The following DACH2 variants were observed in gnomAD, a reference collection of about 807,000 sequenced individuals.
DACH2 encodes the protein dachshund family transcription factor 2.
A neutral mutation model predicts 35.8 loss-of-function variants in DACH2; 17 were observed. The ratio of observed to expected loss-of-function variants is 0.48; its 90% confidence interval spans 0.33 to 0.71. The LOEUF is 0.71. Among genes scored for constraint, DACH2 ranks in the 30% least tolerant of loss-of-function variants. The pLI is 0.02. For synonymous variants in DACH2, 195 were observed against 177.3 expected, an observed-to-expected ratio of 1.10 and a Z score of -0.79; for missense variants, 469 against 472.7, an observed-to-expected ratio of 0.99 and a Z score of 0.07.
At chrX:86,258,024 C>T (rs1046206202) in intron 1 of DACH2, among the ~76,000 whole-genome samples, 3 of 111,136 alleles carry the variant, frequency 2.7e-5, no homozygotes, top group Non-Finnish European at 5.7e-5. Flanking sequence ...CCAGTCTGCT[C>T]CTTTAAGAAC....
At position 86,746,894 on chromosome X, in the gene DACH2, G is replaced by A. The variant is rs901334031; in HGVS notation, c.1240+7012G>A. On this transcript the variant is annotated intron_variant, in intron 7 of 11. Coordinates refer to ENST00000373125, the MANE Select transcript of DACH2 (RefSeq NM_053281.3). ...GTTAATTTTTGTTGTGTTAGATAGG[G>A]GACCAACTTCATTATTTTGCATTTG... is the stretch of plus-strand genomic sequence containing the variant. 1.2e-4 allele frequency among the ~76,000 whole-genome samples: 13 copies of A among 110,685 alleles called. No homozygotes were observed. In the Admixed American group the frequency reaches 1.3e-3, roughly 11 times the overall value.
At chrX:86,171,427 G>A (rs1381568783) in intron 1 of DACH2, among the ~76,000 whole-genome samples, 3 of 106,765 alleles carry the variant, frequency 2.8e-5, no homozygotes, top group Non-Finnish European at 5.8e-5. Context: ...TTGCCTAAGT[G>A]TTGCAGTCTT....
At chrX:86,405,611 C>T (rs373100494) in intron 2 of DACH2, among the ~76,000 whole-genome samples, 1 of 111,444 alleles carries the variant, frequency 9.0e-6, no homozygotes, top group Non-Finnish European at 1.9e-5. Context: ...CTAGGAAGTT[C>T]CAAACTTTCC....
chrX:86,280,806 C>A (rs1193683179), intron 1 of DACH2, among the ~76,000 whole-genome samples: 6 of 111,623 alleles, frequency 5.4e-5, no homozygotes, highest in Non-Finnish European at 7.5e-5. Flanking sequence ...CAATCCTAGT[C>A]TCTGATAAAA....
At chrX:86,495,529 G>T (rs1031555783) in intron 2 of DACH2, among the ~76,000 whole-genome samples, 2 of 110,983 alleles carry the variant, frequency 1.8e-5, no homozygotes, top group African/African-American at 3.3e-5. Flanking sequence ...AAGCTGTGTG[G>T]CCTGGCATGG....
At chrX:86,584,473 T>C (rs755739555) in intron 3 of DACH2, among the ~76,000 whole-genome samples, 10 of 111,208 alleles carry the variant, frequency 9.0e-5, no homozygotes, top group Non-Finnish European at 1.3e-4. Flanking sequence ...ATTCTCTTAA[T>C]ATGATCCTTC....
chrX:86,161,380 G>T, intron 1 of DACH2: 1 of 939,532 alleles, frequency 1.1e-6, no homozygotes, highest in Non-Finnish European at 1.4e-6. Flanking sequence ...GTCATTACAG[G>T]TGTTAGCAGA....
chrX:86,588,188 GC>G (rs1208514279), intron 3 of DACH2, among the ~76,000 whole-genome samples: 8 of 110,831 alleles, frequency 7.2e-5, no homozygotes, highest in Non-Finnish European at 1.3e-4. Context: ...TAGGGGTGCA[GC>G]CTTTTTTCTA....
At chrX:86,625,348 C>T (rs2040123294) in intron 3 of DACH2, among the ~76,000 whole-genome samples, 1 of 108,758 alleles carries the variant, frequency 9.2e-6, no homozygotes, top group South Asian at 4.1e-4. Flanking sequence ...AACTACCTTG[C>T]ATATATCAGA....
chrX:86,597,223 A>T (rs1283985938), intron 3 of DACH2, among the ~76,000 whole-genome samples: 1 of 111,942 alleles, frequency 8.9e-6, no homozygotes, highest in Non-Finnish European at 1.9e-5. Context: ...TGCTGTGGTG[A>T]GCACTGACAT....
At chrX:86,410,177 C>G (rs955370171) in intron 2 of DACH2, among the ~76,000 whole-genome samples, 1 of 112,165 alleles carries the variant, frequency 8.9e-6, no homozygotes, top group African/African-American at 3.2e-5. Context: ...AACAGCAATA[C>G]TTTACTAAGT....
chrX:86,682,191 G>A (rs954371939), intron 4 of DACH2, among the ~76,000 whole-genome samples: 3 of 111,394 alleles, frequency 2.7e-5, no homozygotes, highest in South Asian at 3.8e-4. Flanking sequence ...TGAAACTACC[G>A]CTTTCTTAGC....
At chrX:86,580,188 AC>A (rs764102130) in intron 3 of DACH2, among the ~76,000 whole-genome samples, 1 of 111,198 alleles carries the variant, frequency 9.0e-6, no homozygotes, top group East Asian at 2.8e-4. Flanking sequence ...CTAAAATCAA[AC>A]CCCCAAGGGC....
intron 3 of DACH2, among the ~76,000 whole-genome samples, chrX:86,553,766 C>T (rs2039080770): frequency 9.0e-6 from 1 of 111,684 alleles, no homozygotes; most frequent in Non-Finnish European, 1.9e-5. Flanking sequence ...ATGTGTAAAC[C>T]ACTGATTCCT....
At chrX:86,350,273 G>A (rs1402323192) in intron 1 of DACH2, among the ~76,000 whole-genome samples, 1 of 31,699 alleles carries the variant, frequency 3.2e-5, no homozygotes. Context: ...CTGGATATTA[G>A]CCCTTTGTCA....
chrX:86,639,278 G>A (rs769441742), intron 3 of DACH2, among the ~76,000 whole-genome samples: 2 of 111,412 alleles, frequency 1.8e-5, no homozygotes, highest in South Asian at 7.8e-4. Flanking sequence ...CCAGGGAAGT[G>A]GTGAATGAAT....
chrX:86,405,045 T>C (rs1169438889), intron 2 of DACH2, among the ~76,000 whole-genome samples: 1 of 111,630 alleles, frequency 9.0e-6, no homozygotes, highest in Non-Finnish European at 1.9e-5. Flanking sequence ...GGGTGCAAAT[T>C]CCCAAGGCTG....
chrX:86,332,028 A>C (rs1469305307), intron 1 of DACH2, among the ~76,000 whole-genome samples: 1 of 111,778 alleles, frequency 8.9e-6, no homozygotes, highest in Non-Finnish European at 1.9e-5. Flanking sequence ...TTAACCTGAA[A>C]ATTAAGCTAA....
intron 2 of DACH2, among the ~76,000 whole-genome samples, chrX:86,455,914 G>T (rs899494378): frequency 8.9e-6 from 1 of 112,145 alleles, no homozygotes; most frequent in Non-Finnish European, 1.9e-5. Flanking sequence ...TGTTTTAGTG[G>T]CTGTTCTGCT....
Sources: allele counts gnomAD v4.1 joint callset (sites outside exome capture counted in the v4.1 genomes callset), GRCh38; gene constraint gnomAD v4.1.1; transcripts MANE v1.5; gene names NCBI Gene and HGNC (gene_info 2026-07-23, HGNC 2026-07-21).